The following LRP1B variants were observed in gnomAD, a reference collection of about 807,000 sequenced individuals.
LRP1B encodes LDL receptor related protein 1B, also known as low-density lipoprotein receptor-related protein 1B.
A neutral mutation model predicts 556.6 loss-of-function variants in LRP1B; 217 were observed. That is an observed-to-expected ratio of 0.39 (90% CI 0.35 to 0.44). The LOEUF (loss-of-function observed/expected upper bound fraction) is 0.44, where lower values mean the gene tolerates loss of function less well. LRP1B is among the 20% of genes least tolerant of loss of function. LRP1B has a pLI of 1.00. For missense variants in LRP1B, 5,053 were observed against 5,620.8 expected, an observed-to-expected ratio of 0.90 and a Z score of 3.23; for synonymous variants, 2,047 against 1,865.8, an observed-to-expected ratio of 1.10 and a Z score of -2.50.
intron 41 of LRP1B, among the ~76,000 whole-genome samples, chr2:140,688,954 G>A (rs2105394265): frequency 6.6e-6 from 1 of 152,314 alleles, no homozygotes; most frequent in Middle Eastern, 3.4e-3. Context: ...CCCACAAATA[G>A]TAGAATAAAT....
At chr2:141,182,195 T>C (rs1036913723) in intron 7 of LRP1B, among the ~76,000 whole-genome samples, 8 of 152,090 alleles carry the variant, frequency 5.3e-5, no homozygotes, top group African/African-American at 1.9e-4. Flanking sequence ...AAATAAGGAA[T>C]TGGGATACAT....
At chr2:140,533,624 A>C (rs1252286332) in intron 47 of LRP1B, among the ~76,000 whole-genome samples, 1 of 152,158 alleles carries the variant, frequency 6.6e-6, no homozygotes, top group Non-Finnish European at 1.5e-5. Context: ...TGTGGGAAGG[A>C]GAAATTAAGG....
chr2:140,464,812 T>C (rs1189718485), intron 60 of LRP1B, among the ~76,000 whole-genome samples: 2 of 152,302 alleles, frequency 1.3e-5, no homozygotes, highest in East Asian at 1.9e-4. Flanking sequence ...TAATAAAAAC[T>C]GAAGCCTTTG....
intron 2 of LRP1B, among the ~76,000 whole-genome samples, chr2:141,729,702 C>T (rs1189321989): frequency 6.6e-6 from 1 of 152,164 alleles, no homozygotes; most frequent in Non-Finnish European, 1.5e-5. Flanking sequence ...ATCTCAGGTT[C>T]AGACATTTTC....
In LRP1B at chr2:140,455,703, G is replaced by T. The variant is rs575324551; in HGVS notation, c.9963+752C>A. Reference sequence around the variant, plus strand: ...CATTTTGAAGATAAAAACAATCCAAGAGAAATTCAGTCTCTTGCAATGAAA... The same window carrying T: ...CATTTTGAAGATAAAAACAATCCAATAGAAATTCAGTCTCTTGCAATGAAA... On this transcript the variant is annotated intron_variant, in intron 62 of 90. Transcript: ENST00000389484. Among the ~76,000 whole-genome samples the T allele has an allele frequency of 2.2e-4, 34 of 152,258 alleles. 1 individual carries two copies. The South Asian group carries it at 6.8e-3, about 31-fold the overall frequency.
chr2:140,816,096 T>C (rs1691112370), intron 31 of LRP1B, among the ~76,000 whole-genome samples: 1 of 151,948 alleles, frequency 6.6e-6, no homozygotes. Context: ...CCTAGAAAAG[T>C]TTAGTTATCT....
At chr2:140,718,794 T>C (rs1687297941) in intron 35 of LRP1B, among the ~76,000 whole-genome samples, 1 of 151,960 alleles carries the variant, frequency 6.6e-6, no homozygotes, top group Non-Finnish European at 1.5e-5. Flanking sequence ...CTTACCCATC[T>C]CTAGTAATAG....
chr2:140,543,173 T>C (rs1006665266), intron 43 of LRP1B, among the ~76,000 whole-genome samples: 1 of 151,930 alleles, frequency 6.6e-6, no homozygotes, highest in Non-Finnish European at 1.5e-5. Context: ...TATGAGAATA[T>C]AAAAATGTAT....
rs974443062 is a variant in LRP1B at position 141,489,130 on chromosome 2, T to G, written c.206-8597A>C. On this transcript the variant is annotated intron_variant, in intron 2 of 90. Coordinates refer to ENST00000389484, the MANE Select transcript of LRP1B (RefSeq NM_018557.3). ...TGCTTGGCTTTTTTTTTTTTTTTTTTTTTTTTTTTTGTGAGTGGGGACTGG... is the reference window on the plus strand; with the variant it reads ...TGCTTGGCTTTTTTTTTTTTTTTTTGTTTTTTTTTTGTGAGTGGGGACTGG... Among the ~76,000 whole-genome samples the G allele has an allele frequency of 1.4e-3, 205 of 145,606 alleles. 2 individuals carry two copies. Among genetic ancestry groups the G allele is most frequent in the African/African-American group, 5.0e-3 (195 of 38,964 alleles).
chr2:141,986,644 TAG>T (rs958018876), intron 1 of LRP1B, among the ~76,000 whole-genome samples: 164 of 152,134 alleles, frequency 1.1e-3, no homozygotes, highest in African/African-American at 3.9e-3. Flanking sequence ...TCTGCCTTGT[TAG>T]AGTTAACAGA....
chr2:141,327,291 T>C (rs1478258062), intron 3 of LRP1B, among the ~76,000 whole-genome samples: 2 of 152,114 alleles, frequency 1.3e-5, no homozygotes, highest in East Asian at 1.9e-4. Context: ...CAAAGTAAAA[T>C]GTAAGGAGCC....
At chr2:140,547,734 C>CT (rs1257629894) in intron 43 of LRP1B, among the ~76,000 whole-genome samples, 1 of 152,058 alleles carries the variant, frequency 6.6e-6, no homozygotes, top group African/African-American at 2.4e-5. Context: ...AATGGGCCTT[C>CT]TGCCTTACCA....
chr2:141,329,112 G>C (rs1437501411), intron 3 of LRP1B, among the ~76,000 whole-genome samples: 2 of 152,150 alleles, frequency 1.3e-5, no homozygotes, highest in Non-Finnish European at 2.9e-5. Flanking sequence ...GGCTGACCAG[G>C]CACAGTGGCT....
Position 140,440,717 on chromosome 2 carries a change from C to T in LRP1B, c.10414+1787G>A, listed in dbSNP as rs149838401. Among the ~76,000 whole-genome samples the T allele has an allele frequency of 3.6e-3, 466 of 128,016 alleles. 1 individual carries two copies. The highest frequency in any genetic ancestry group is 0.014 in the African/African-American group (440 of 32,080). 84.0% of individuals were successfully genotyped at this position (128,016 alleles called of 152,430 possible). ...TTGTGTAACTCAAATCAGATGACCA[C>T]CCTCCATCCTTGTCCCTCTGTATGT... On this transcript the variant is annotated intron_variant, in intron 66 of 90. Coordinates refer to ENST00000389484, the MANE Select transcript of LRP1B (RefSeq NM_018557.3).
chr2:140,353,256 A>C (rs1400704417), intron 75 of LRP1B, among the ~76,000 whole-genome samples, 184 bp from the exon 76 acceptor site: 2 of 152,172 alleles, frequency 1.3e-5, no homozygotes, highest in African/African-American at 4.8e-5. Context: ...CAATATTTGT[A>C]GTAGAAGATT....
chr2:142,085,592 T>C (rs1016992550), intron 1 of LRP1B, among the ~76,000 whole-genome samples: 2 of 152,202 alleles, frequency 1.3e-5, no homozygotes, highest in South Asian at 2.1e-4. Context: ...ATTTCCATTA[T>C]TATATCTTAT....
At chr2:141,145,922 C>T (rs112225552) in intron 7 of LRP1B, among the ~76,000 whole-genome samples, 6,685 of 68,446 alleles carry the variant, frequency 0.098, 514 homozygotes, top group Middle Eastern at 0.19. Context: ...TTCTTTCTTT[C>T]TTTTTTTTTT....
chr2:141,417,030 T>G (rs1184645426), intron 3 of LRP1B, among the ~76,000 whole-genome samples: 1 of 152,242 alleles, frequency 6.6e-6, no homozygotes, highest in Non-Finnish European at 1.5e-5. Flanking sequence ...AATTTTATAG[T>G]CATATATAAG....
intron 1 of LRP1B, among the ~76,000 whole-genome samples, chr2:142,089,268 G>A (rs554141064): frequency 6.6e-6 from 1 of 152,168 alleles, no homozygotes; most frequent in South Asian, 2.1e-4. Context: ...AGATACTGTA[G>A]AACATACAGA....
Sources: gnomAD v4.1 joint callset for allele counts (sites outside exome capture counted in the v4.1 genomes callset) on GRCh38, gnomAD v4.1.1 for gene constraint, MANE v1.5 for transcripts, NCBI Gene and HGNC (gene_info 2026-07-23, HGNC 2026-07-21) for gene names.